CUX1: variants seen among roughly 807,000 people sequenced by gnomAD.
CUX1 encodes the protein cut like homeobox 1.
In CUX1, 31 loss-of-function variants were observed where a neutral mutation model predicts 158.8. The observed-to-expected ratio is 0.20, with a 90% CI of 0.15 to 0.26. The LOEUF (loss-of-function observed/expected upper bound fraction) is 0.26. CUX1 is among the 10% of genes least tolerant of loss of function. The pLI, the probability that CUX1 is intolerant of heterozygous loss-of-function variation, is 1.00. For synonymous variants in CUX1, 879 were observed against 862.1 expected, an observed-to-expected ratio of 1.02 and a Z score of -0.34; for missense variants, 1,589 against 2,014.6, an observed-to-expected ratio of 0.79 and a Z score of 4.04.
intron 7 of CUX1, 94 bp from the exon 8 acceptor site, chr7:102,115,113 G>A (rs1280525489): frequency 1.8e-6 from 2 of 1,115,938 alleles, no homozygotes; most frequent in African/African-American, 1.6e-5. Context: ...GCTCCTCACA[G>A]AAATCTTTGC....
chr7:101,959,601 CG>C (rs1810211059), intron 2 of CUX1: 1 of 152,158 alleles, frequency 6.6e-6, no homozygotes. Flanking sequence ...TGGCAGCCCA[CG>C]TAAGATCTCT....
At chr7:101,819,366 G>C (rs1054025197) in intron 1 of CUX1, among the ~76,000 whole-genome samples, 2 of 152,190 alleles carry the variant, frequency 1.3e-5, no homozygotes, top group African/African-American at 4.8e-5. Flanking sequence ...TTGGGACGGG[G>C]CCCGCCAATG....
At chr7:102,188,692 C>G (rs1793909111) in intron 11 of CUX1, 1 of 151,976 alleles carries the variant, frequency 6.6e-6, no homozygotes, top group Admixed American at 6.6e-5. Flanking sequence ...TGCCTGTAAT[C>G]TCAGCTACTG....
At chr7:101,887,680 G>A (rs1026349920) in intron 1 of CUX1, among the ~76,000 whole-genome samples, 6 of 152,050 alleles carry the variant, frequency 3.9e-5, no homozygotes, top group East Asian at 3.9e-4. Context: ...GAGCATTTCC[G>A]TGACCCCAGG....
At chr7:102,182,617 A>C (rs1554514323) in intron 11 of CUX1, among the ~76,000 whole-genome samples, 1 of 152,224 alleles carries the variant, frequency 6.6e-6, no homozygotes, top group Non-Finnish European at 1.5e-5. Context: ...AAAGTGGAAG[A>C]TGTTTCCTCC....
chr7:102,214,822 G>A (rs556040459), intron 20 of CUX1, among the ~76,000 whole-genome samples: 44 of 152,354 alleles, frequency 2.9e-4, no homozygotes, highest in Middle Eastern at 3.4e-3. Context: ...TAGATTTTGC[G>A]TTTACTTCTT....
intron 3 of CUX1, among the ~76,000 whole-genome samples, chr7:102,041,430 T>G (rs1306780530): frequency 6.6e-6 from 1 of 150,766 alleles, no homozygotes; most frequent in African/African-American, 2.4e-5. Context: ...AATTTTGTAT[T>G]ATTAGAAGAG....
At chr7:101,922,634 T>C (rs1410743112) in intron 2 of CUX1, among the ~76,000 whole-genome samples, 1 of 152,060 alleles carries the variant, frequency 6.6e-6, no homozygotes. Flanking sequence ...TTCTCCTCCT[T>C]GTGTCCTGGG....
intron 9 of CUX1, among the ~76,000 whole-genome samples, chr7:102,164,058 T>A (rs451352): frequency 0.52 from 78,476 of 152,046 alleles, 22,229 homozygotes; most frequent in African/African-American, 0.74. Context: ...AAGGATCAGA[T>A]CTCTTGAGAC....
At chr7:101,990,804 T>C (rs754885716) in intron 2 of CUX1, among the ~76,000 whole-genome samples, 4 of 152,194 alleles carry the variant, frequency 2.6e-5, no homozygotes, top group Non-Finnish European at 4.4e-5. Context: ...CTACATCCCC[T>C]TCCGTGGTCA....
intron 23 of CUX1, among the ~76,000 whole-genome samples, chr7:102,241,120 A>G (rs1554534835): frequency 6.6e-6 from 1 of 152,120 alleles, no homozygotes; most frequent in African/African-American, 2.4e-5. Context: ...GCACCCAGCC[A>G]GTTCTCTTCA....
At chr7:102,113,365 T>C (rs539666635) in intron 7 of CUX1, among the ~76,000 whole-genome samples, 2 of 152,120 alleles carry the variant, frequency 1.3e-5, no homozygotes, top group African/African-American at 2.4e-5. Flanking sequence ...CAGGTTCAAG[T>C]GATTTTCCTG....
At position 101,898,832 on chromosome 7, in the gene CUX1, C is replaced by T. The variant is rs558910366; in HGVS notation, c.31-17283C>T. Among the ~76,000 whole-genome samples, 10 of 152,338 alleles carry T rather than the reference C, an allele frequency of 6.6e-5. No homozygotes were observed. The South Asian group carries it at 1.4e-3, about 22-fold the overall frequency. On this transcript the variant is annotated intron_variant, in intron 1 of 23. Transcript: ENST00000292535. ...TCTCGAACTCCTGACCACAGGTGAT[C>T]TGCCTGCTTCGGCCCCCCACAGTGC...
chr7:102,069,964 G>C lies in CUX1; in HGVS notation c.190-375G>C, dbSNP rs763040983. 2.6e-5 allele frequency among the ~76,000 whole-genome samples: 4 copies of C among 152,104 alleles called. 1 individual carries two copies. On this transcript the variant is annotated intron_variant, in intron 3 of 23. Coordinates refer to ENST00000292535, the MANE Select transcript of CUX1 (RefSeq NM_181552.4). The stretch of plus-strand genomic sequence containing the variant: ...TTTCCCTCCTAGACCCTGAGCTTCT[G>C]GGGGTAGGAACTGTCTCTTCCCACC...
At chr7:102,009,290 G>A (rs1382951826) in intron 2 of CUX1, among the ~76,000 whole-genome samples, 4 of 152,172 alleles carry the variant, frequency 2.6e-5, no homozygotes, top group African/African-American at 9.7e-5. Context: ...CTGTCATGAC[G>A]CTGACCGCAC....
chr7:101,884,763 G>T (rs925820777), intron 1 of CUX1, among the ~76,000 whole-genome samples: 4 of 152,078 alleles, frequency 2.6e-5, no homozygotes, highest in East Asian at 1.9e-4. Context: ...TTCTTGATTT[G>T]GCACTTTAAT....
rs528098005 is a variant in CUX1, at chr7:102,158,579, A to G, written c.694A>G (p.Ile232Val). 1 of 1,613,902 alleles carries G rather than the reference A, an allele frequency of 6.2e-7. No homozygotes were observed. Among genetic ancestry groups the G allele is most frequent in the African/African-American group, 1.3e-5 (1 of 75,010 alleles). ...TTAKADEIEM[I>V]MTDLERANQR... ...TCCTAGGGCCGACGAGATTGAAATG[A>G]TCATGACGGACCTTGAAAGGGCAAA... Residue 232 changes from isoleucine (I) to valine (V), a missense_variant, in exon 9 of 24, where the codon ATC becomes GTC. Coordinates refer to ENST00000292535, the MANE Select transcript of CUX1 (RefSeq NM_181552.4).
At chr7:102,030,020 T>G (rs1452380406) in intron 3 of CUX1, among the ~76,000 whole-genome samples, 1 of 152,138 alleles carries the variant, frequency 6.6e-6, no homozygotes, top group Non-Finnish European at 1.5e-5. Context: ...TATGCTTTTT[T>G]TTTTTTTTGA....
intron 2 of CUX1, among the ~76,000 whole-genome samples, chr7:101,999,900 G>A (rs1271749122): frequency 6.6e-6 from 1 of 152,150 alleles, no homozygotes; most frequent in African/African-American, 2.4e-5. Flanking sequence ...GTGTGTGCGT[G>A]TGTGTGTGCA....
Sources: allele counts gnomAD v4.1 joint callset (sites outside exome capture counted in the v4.1 genomes callset), GRCh38; gene constraint gnomAD v4.1.1; transcripts MANE v1.5; gene names NCBI Gene and HGNC (gene_info 2026-07-23, HGNC 2026-07-21).